The following ARHGAP44 variants were observed in gnomAD, a reference collection of about 807,000 sequenced individuals.
ARHGAP44 encodes the protein Rho GTPase activating protein 44, also known as rho GTPase-activating protein 44.
Under a neutral mutation model 106.8 loss-of-function variants are expected in ARHGAP44, and 43 were observed. The ratio of observed to expected loss-of-function variants is 0.40; its 90% confidence interval spans 0.32 to 0.52. ARHGAP44 has a LOEUF of 0.52. ARHGAP44 is among the 20% of genes least tolerant of loss of function. The pLI, the probability that ARHGAP44 is intolerant of heterozygous loss-of-function variation, is 0.48. For synonymous variants in ARHGAP44, 439 were observed against 410.3 expected (o/e 1.07, Z -0.85); for missense variants, 866 against 1,050.5 (o/e 0.82, Z 2.43).
intron 3 of ARHGAP44, among the ~76,000 whole-genome samples, chr17:12,897,250 A>G (rs1029503936): frequency 3.7e-5 from 3 of 81,048 alleles, no homozygotes; most frequent in Admixed American, 1.6e-4. Context: ...CATGATTGGT[A>G]TCATTTAGAC....
intron 1 of ARHGAP44, among the ~76,000 whole-genome samples, chr17:12,806,077 A>G (rs79127596): frequency 0.19 from 29,293 of 152,134 alleles, 4,883 homozygotes; most frequent in African/African-American, 0.43. Context: ...TCCTGAAGGG[A>G]AATCTGGCGT....
chr17:12,974,152 A>G lies in ARHGAP44; in HGVS notation c.1605A>G (p.Lys535=). 1.3e-6 allele frequency: 2 copies of G among 1,559,620 alleles called. No homozygotes were observed. Among genetic ancestry groups the G allele is most frequent in the Non-Finnish European group, 8.7e-7 (1 of 1,152,386 alleles). Reference sequence around the variant, plus strand: ...GAAGAGGCTCCTCGGCCGGTCGGAAAGTGTCCTGCGCCCCGCCCTCCATGC... The same window carrying G: ...GAAGAGGCTCCTCGGCCGGTCGGAAGGTGTCCTGCGCCCCGCCCTCCATGC... ...VARRGSSAGR[K]VSCAPPSMQP... The change falls in exon 18 of 21, where the codon AAA becomes AAG. Residue 535 remains lysine, a synonymous_variant. Coordinates refer to ENST00000379672, the MANE Select transcript of ARHGAP44 (RefSeq NM_014859.6).
intron 1 of ARHGAP44, among the ~76,000 whole-genome samples, chr17:12,798,228 A>G (rs1349406947): frequency 6.6e-6 from 1 of 152,170 alleles, no homozygotes; most frequent in Non-Finnish European, 1.5e-5. Context: ...GACTTATAGA[A>G]CAATGTTAAA....
intron 6 of ARHGAP44, among the ~76,000 whole-genome samples, chr17:12,928,591 C>T (rs566068527): frequency 2.0e-5 from 3 of 152,100 alleles, no homozygotes; most frequent in Non-Finnish European, 2.9e-5. Context: ...ATGATTTATC[C>T]ATTAAAAATA....
chr17:12,975,815 AAAG>A (rs2039667293), intron 18 of ARHGAP44, among the ~76,000 whole-genome samples: 1 of 150,788 alleles, frequency 6.6e-6, no homozygotes, highest in African/African-American at 2.4e-5. Context: ...AAAAAAAAAA[AAAG>A]AAAAAAAGAC....
At position 12,825,899 on chromosome 17, in the gene ARHGAP44, G is replaced by A. The variant is rs139671982; in HGVS notation, c.53+36008G>A. Among the ~76,000 whole-genome samples, 213 of 152,304 alleles carry A rather than the reference G, an allele frequency of 1.4e-3. 5 individuals carry two copies. In the East Asian group the frequency reaches 0.033, roughly 24 times the overall value. ...AAACATTGATTGTATGGATTTGAGA[G>A]CGTTAACTTTCTACTTTCCACCTGT... On this transcript the variant is annotated intron_variant, in intron 1 of 20. Coordinates refer to ENST00000379672, the MANE Select transcript of ARHGAP44 (RefSeq NM_014859.6).
chr17:12,809,599 T>C (rs1400116600), intron 1 of ARHGAP44, among the ~76,000 whole-genome samples: 1 of 152,166 alleles, frequency 6.6e-6, no homozygotes, highest in Non-Finnish European at 1.5e-5. Context: ...GGTTTCTCCC[T>C]TGACACTTGG....
At chr17:12,965,572 G>A (rs2039371117) in intron 16 of ARHGAP44, among the ~76,000 whole-genome samples, 1 of 152,200 alleles carries the variant, frequency 6.6e-6, no homozygotes, top group South Asian at 2.1e-4. Flanking sequence ...CTGGTAGTTG[G>A]TTATATTATG....
intron 1 of ARHGAP44, among the ~76,000 whole-genome samples, chr17:12,875,295 T>C (rs1411716910): frequency 6.6e-6 from 1 of 152,178 alleles, no homozygotes; most frequent in Non-Finnish European, 1.5e-5. Flanking sequence ...TTCATTTTCT[T>C]GTATAAAAAA....
chr17:12,924,835 C>A (rs915519318), intron 6 of ARHGAP44, among the ~76,000 whole-genome samples: 7 of 152,128 alleles, frequency 4.6e-5, no homozygotes, highest in Admixed American at 2.6e-4. Flanking sequence ...GGATGTCCAG[C>A]CTCCAGAATT....
rs1318103215 is a variant in ARHGAP44 at position 12,956,005 on chromosome 17, G to A, written c.1250+25G>A. On this transcript the variant is annotated intron_variant, in intron 14 of 20. Coordinates refer to ENST00000379672, the MANE Select transcript of ARHGAP44 (RefSeq NM_014859.6). Reference sequence around the variant, plus strand: ...GGTAAGTACAGGGCGGAGAAGTAATGTGGGTGATCAGGTGGGACTGCAGGG... The same window carrying A: ...GGTAAGTACAGGGCGGAGAAGTAATATGGGTGATCAGGTGGGACTGCAGGG... The A allele has an allele frequency of 7.0e-6, 11 of 1,572,790 alleles. No individual in the cohort carries two copies. The East Asian group carries it at 1.1e-4, about 16-fold the overall frequency.
intron 3 of ARHGAP44, among the ~76,000 whole-genome samples, chr17:12,906,881 A>G (rs2037566230): frequency 6.6e-6 from 1 of 152,150 alleles, no homozygotes; most frequent in Non-Finnish European, 1.5e-5. Flanking sequence ...TCGAGGCTTC[A>G]GTGAGCTATG....
rs755400921 is a variant in ARHGAP44, at chr17:12,861,653, T to TTTTTTTTTTTTA, written c.54-33282_54-33281insTTTTTTATTTTT. Among the ~76,000 whole-genome samples, 368 of 59,142 alleles carry TTTTTTTTTTTTA rather than the reference T, an allele frequency of 6.2e-3. 19 individuals are homozygous for TTTTTTTTTTTTA. In the East Asian group the frequency reaches 0.087, roughly 14 times the overall value. 38.8% of individuals were successfully genotyped at this position (59,142 alleles called of 152,430 possible). A position where few individuals can be genotyped will look rare whatever the true frequency, so the allele number is the denominator to read the frequency against. ...TCTGCCTCCTCTTCCACTTTTTTTTTTTTTTGAGATGGAATCTTGCTCAGT... is the reference window on the plus strand; with the variant it reads ...TCTGCCTCCTCTTCCACTTTTTTTTTTTTTTTTTTTTATTTTTGAGATGGAATCTTGCTCAGT... On this transcript the variant is annotated intron_variant, in intron 1 of 20. Coordinates refer to ENST00000379672, the MANE Select transcript of ARHGAP44 (RefSeq NM_014859.6).
intron 20 of ARHGAP44, chr17:12,987,790 G>A (rs1435494359): frequency 6.6e-6 from 1 of 152,250 alleles, no homozygotes; most frequent in East Asian, 1.9e-4. Context: ...AAGTGGATAT[G>A]GCCAGACAGA....
chr17:12,990,186 T>A lies in ARHGAP44; in HGVS notation c.*15T>A. On this transcript the variant is annotated 3_prime_UTR_variant, in exon 21 of 21. Coordinates refer to ENST00000379672, the MANE Select transcript of ARHGAP44 (RefSeq NM_014859.6). ...CCGCCCTCTGACATGACACCGCCCA[T>A]CCTGCCTCGCGTGTACATACATCAC... is the stretch of plus-strand genomic sequence containing the variant. 1 of 1,608,346 alleles carries A rather than the reference T, an allele frequency of 6.2e-7. No individual in the cohort carries two copies. The highest frequency in any genetic ancestry group is 8.5e-7 in the Non-Finnish European group (1 of 1,175,494).
At chr17:12,807,669 CAT>C (rs2034317751) in intron 1 of ARHGAP44, among the ~76,000 whole-genome samples, 1 of 152,174 alleles carries the variant, frequency 6.6e-6, no homozygotes, top group Non-Finnish European at 1.5e-5. Context: ...CCTCTCGCAA[CAT>C]GTGAGAATTA....
intron 1 of ARHGAP44, among the ~76,000 whole-genome samples, chr17:12,873,971 G>T (rs11651515): frequency 0.48 from 72,128 of 151,714 alleles, 19,408 homozygotes; most frequent in East Asian, 0.62. Context: ...AAGAAGGAAA[G>T]AAACCACCAC....
intron 1 of ARHGAP44, among the ~76,000 whole-genome samples, chr17:12,841,568 T>C (rs989760881): frequency 3.5e-4 from 50 of 144,132 alleles, no homozygotes; most frequent in Non-Finnish European, 6.6e-4. Context: ...GGCAACAGAG[T>C]GAGACCCTGT....
chr17:12,937,170 G>T (rs1041041905), intron 7 of ARHGAP44, among the ~76,000 whole-genome samples: 2 of 152,128 alleles, frequency 1.3e-5, no homozygotes, highest in African/African-American at 4.8e-5. Context: ...GCTAGAGGGG[G>T]TTGGCGTTGA....
Sources: allele counts gnomAD v4.1 joint callset (sites outside exome capture counted in the v4.1 genomes callset), GRCh38; gene constraint gnomAD v4.1.1; transcripts MANE v1.5; gene names NCBI Gene and HGNC (gene_info 2026-07-23, HGNC 2026-07-21).